The following PSMG2 variants were observed in gnomAD, a reference collection of about 807,000 sequenced individuals.
PSMG2 encodes the protein CD40 ligand-activated specific transcript 3.
A neutral mutation model predicts 31.5 loss-of-function variants in PSMG2; 21 were observed. The observed-to-expected ratio is 0.67, with a 90% CI of 0.47 to 0.96. The LOEUF (loss-of-function observed/expected upper bound fraction) is 0.96. PSMG2 is among the 40% of genes least tolerant of loss of function. The pLI is 0.00. For missense variants in PSMG2, 318 were observed against 321.2 expected, an observed-to-expected ratio of 0.99 and a Z score of 0.08; for synonymous variants, 120 against 110.4, an observed-to-expected ratio of 1.09 and a Z score of -0.54.
intron 1 of PSMG2, among the ~76,000 whole-genome samples, chr18:12,667,992 C>T (rs1032033690): frequency 5.3e-5 from 8 of 151,084 alleles, no homozygotes; most frequent in Admixed American, 3.3e-4. Flanking sequence ...GGGCTGGGTG[C>T]AGTGGCTCAC....
At chr18:12,709,333 C>T (rs576657791) in intron 2 of PSMG2, among the ~76,000 whole-genome samples, 2 of 151,096 alleles carry the variant, frequency 1.3e-5, no homozygotes, top group South Asian at 2.1e-4. Flanking sequence ...CGTGAGCCAC[C>T]GCGCCCGATT....
chr18:12,707,262 C>G (rs1373933926), intron 2 of PSMG2, among the ~76,000 whole-genome samples: 1 of 152,096 alleles, frequency 6.6e-6, no homozygotes, highest in Non-Finnish European at 1.5e-5. Flanking sequence ...CCAGCCCATA[C>G]TTGTATCTTT....
chr18:12,709,882 C>T (rs948080304), intron 2 of PSMG2, among the ~76,000 whole-genome samples: 1 of 151,144 alleles, frequency 6.6e-6, no homozygotes, highest in Non-Finnish European at 1.5e-5. Flanking sequence ...GCAGTTCACC[C>T]GCCTCAGCCT....
intron 2 of PSMG2, among the ~76,000 whole-genome samples, chr18:12,711,141 G>A (rs1488578414): frequency 2.0e-5 from 3 of 152,002 alleles, no homozygotes; most frequent in Non-Finnish European, 4.4e-5. Flanking sequence ...GCGTGGTGGT[G>A]TGCTCCTGTA....
At chr18:12,678,902 G>C (rs916985661) in intron 1 of PSMG2, 1 of 152,412 alleles carries the variant, frequency 6.6e-6, no homozygotes. Flanking sequence ...GCTGCAGTGA[G>C]CCGTCCAGCC....
intron 2 of PSMG2, among the ~76,000 whole-genome samples, chr18:12,710,820 C>T (rs1458904522): frequency 1.3e-5 from 2 of 152,170 alleles, no homozygotes; most frequent in Non-Finnish European, 2.9e-5. Context: ...ATTGCATAGG[C>T]CGGGCACGGT....
At chr18:12,660,755 CT>C (rs557539097) in intron 1 of PSMG2, among the ~76,000 whole-genome samples, 55 of 146,970 alleles carry the variant, frequency 3.7e-4, no homozygotes, top group Non-Finnish European at 3.9e-4. Context: ...AACAGAAGGG[CT>C]TTTTTTTTTA....
chr18:12,720,278 A>G (rs546884858), intron 4 of PSMG2, among the ~76,000 whole-genome samples: 7 of 152,220 alleles, frequency 4.6e-5, no homozygotes, highest in Admixed American at 2.6e-4. Flanking sequence ...GGCAGAAGGG[A>G]GGAAAGCTGT....
intron 1 of PSMG2, among the ~76,000 whole-genome samples, chr18:12,688,212 G>A (rs2039616399): frequency 7.7e-6 from 1 of 130,198 alleles, no homozygotes; most frequent in East Asian, 2.3e-4. Context: ...GCCTGGGCGA[G>A]AGCGAGACTC....
In PSMG2 at chr18:12,715,209, A is replaced by G. The variant is rs139528835; in HGVS notation, c.288+2449A>G. ...TTTTTAGTAGAGATGGGGTTTCACC[A>G]TGTTGGCCAGGCTGGTCTCAAACTC... On this transcript the variant is annotated intron_variant, in intron 3 of 6. Transcript: ENST00000317615. Among the ~76,000 whole-genome samples the G allele has an allele frequency of 0.015, 2,237 of 151,860 alleles. 206 individuals are homozygous for G. The East Asian group carries it at 0.27, about 19-fold the overall frequency.
chr18:12,693,721 T>C (rs1210720249), intron 1 of PSMG2, among the ~76,000 whole-genome samples: 2 of 151,970 alleles, frequency 1.3e-5, no homozygotes. Context: ...AGGCAGACGT[T>C]GCAGTGAGCC....
chr18:12,686,711 C>A (rs1752265326), intron 1 of PSMG2: 4 of 291,280 alleles, frequency 1.4e-5, no homozygotes, highest in Non-Finnish European at 1.9e-5. Context: ...CTGTTTTACT[C>A]CAAAGGCTGT....
At chr18:12,676,301 T>TG in intron 1 of PSMG2, among the ~76,000 whole-genome samples, 1 of 147,876 alleles carries the variant, frequency 6.8e-6, no homozygotes, top group South Asian at 2.2e-4. Flanking sequence ...TTTTTTTTTT[T>TG]GAGACAGGGT....
At chr18:12,671,461 A>C (rs2038940264) in intron 1 of PSMG2, among the ~76,000 whole-genome samples, 1 of 152,122 alleles carries the variant, frequency 6.6e-6, no homozygotes, top group Non-Finnish European at 1.5e-5. Context: ...AACTTAAAAA[A>C]AATGAAAAGA....
intron 4 of PSMG2, among the ~76,000 whole-genome samples, chr18:12,719,988 A>T (rs780401294): frequency 2.0e-5 from 3 of 152,048 alleles, no homozygotes; most frequent in Non-Finnish European, 4.4e-5. Flanking sequence ...AAGTGCTGGG[A>T]TTACAGGCAT....
intron 4 of PSMG2, among the ~76,000 whole-genome samples, chr18:12,719,784 C>T (rs1368544151): frequency 6.7e-5 from 10 of 149,328 alleles, no homozygotes; most frequent in African/African-American, 2.2e-4. Flanking sequence ...AGTGCAGTGG[C>T]GCAATCTCGA....
At chr18:12,685,136 G>C (rs1384181036) in intron 1 of PSMG2, 3 of 152,006 alleles carry the variant, frequency 2.0e-5, no homozygotes, top group Non-Finnish European at 4.4e-5. Flanking sequence ...CAGTAGCTAA[G>C]ATTACAGGCA....
At chr18:12,691,570 C>T in intron 1 of PSMG2, 1 of 998,988 alleles carries the variant, frequency 1.0e-6, no homozygotes, top group Non-Finnish European at 1.5e-6. Flanking sequence ...ATCTACTTCT[C>T]TACATCATTA....
At chr18:12,708,627 G>A (rs909438861) in intron 2 of PSMG2, among the ~76,000 whole-genome samples, 1 of 150,930 alleles carries the variant, frequency 6.6e-6, no homozygotes, top group African/African-American at 2.4e-5. Flanking sequence ...GCCTCCTAAA[G>A]TGCTGGGATT....
Sources: allele counts gnomAD v4.1 joint callset (sites outside exome capture counted in the v4.1 genomes callset), GRCh38; gene constraint gnomAD v4.1.1; transcripts MANE v1.5; gene names NCBI Gene and HGNC (gene_info 2026-07-23, HGNC 2026-07-21).